Variants in ZFHX3 observed in about 807,000 individuals in gnomAD.
ZFHX3 encodes the protein zinc finger homeobox protein 3.
A neutral mutation model predicts 279.1 loss-of-function variants in ZFHX3; 42 were observed. The ratio of observed to expected loss-of-function variants is 0.15; its 90% CI spans 0.12 to 0.19. The LOEUF (loss-of-function observed/expected upper bound fraction) is 0.19. Among genes scored for constraint, ZFHX3 ranks in the 10% least tolerant of loss-of-function variants. The pLI is 1.00. For synonymous variants in ZFHX3, 2,293 were observed against 1,957.8 expected (o/e 1.17, Z -4.52); for missense variants, 4,981 against 4,754.0 (o/e 1.05, Z -1.40).
At chr16:72,928,062 C>T (rs995513615) in intron 3 of ZFHX3, among the ~76,000 whole-genome samples, 3 of 136,810 alleles carry the variant, frequency 2.2e-5, no homozygotes, top group African/African-American at 5.5e-5. Flanking sequence ...GGCCAGGCAA[C>T]GGGTTTAACC....
At chr16:73,056,353 CTA>C (rs1965555913) in intron 1 of ZFHX3, among the ~76,000 whole-genome samples, 1 of 152,002 alleles carries the variant, frequency 6.6e-6, no homozygotes, top group South Asian at 2.1e-4. Flanking sequence ...TTTTATTTTC[CTA>C]TCTCTAATAT....
At chr16:73,363,803 C>T (rs1200920074) in intron 3 of ZFHX3, among the ~76,000 whole-genome samples, 8 of 152,070 alleles carry the variant, frequency 5.3e-5, no homozygotes, top group African/African-American at 1.9e-4. Flanking sequence ...CGGATAGCAT[C>T]CCTGGCCTCA....
intron 1 of ZFHX3, among the ~76,000 whole-genome samples, chr16:73,022,302 TGGGAGAAGCCCGTCTCCCTGAGTCAG>T (rs541791517): frequency 6.6e-6 from 1 of 152,228 alleles, no homozygotes; most frequent in South Asian, 2.1e-4. Context: ...AAAGCCAGGC[TGGGAGAAGCCCGTCTCCCTGAGTCAG>T]GCCTGCAAGC....
intron 5 of ZFHX3, among the ~76,000 whole-genome samples, chr16:73,253,891 G>A (rs1393585901): frequency 6.6e-6 from 1 of 152,148 alleles, no homozygotes; most frequent in Non-Finnish European, 1.5e-5. Flanking sequence ...TTAAAAGGCA[G>A]GTTAGAAATG....
chr16:73,820,061 T>C (rs1960688847), intron 1 of ZFHX3, among the ~76,000 whole-genome samples: 2 of 152,132 alleles, frequency 1.3e-5, no homozygotes, highest in African/African-American at 2.4e-5. Flanking sequence ...AAATGCAACA[T>C]GGCAGAAGTG....
chr16:73,559,259 G>A (rs977565450), intron 2 of ZFHX3, among the ~76,000 whole-genome samples: 2 of 151,998 alleles, frequency 1.3e-5, no homozygotes, highest in Non-Finnish European at 1.5e-5. Context: ...TGTTTCCCAG[G>A]CTGGTCTCAA....
In ZFHX3 at chr16:72,787,470, G is replaced by GGCC; in HGVS notation, c.10803_10805dup (p.Ala3604dup). ...GGGGGGAAGCGGAGGAGGGGGCGGC[G>GGCC]GCCGACGGGGGAGGGGGGCTGTCGT... On this transcript the variant is annotated inframe_insertion, in exon 10 of 10. Transcript: ENST00000268489. 2 of 1,601,030 alleles carry GGCC rather than the reference G, an allele frequency of 1.2e-6. No homozygotes were observed. Among genetic ancestry groups the GGCC allele is most frequent in the Non-Finnish European group, 1.7e-6 (2 of 1,172,144 alleles).
chr16:73,290,711 T>G (rs1425535738), intron 4 of ZFHX3, among the ~76,000 whole-genome samples: 6 of 152,184 alleles, frequency 3.9e-5, no homozygotes, highest in African/African-American at 1.4e-4. Context: ...TCCCTGGTGC[T>G]TTTTGGGTTT....
chr16:73,562,405 C>T (rs1448011698), intron 2 of ZFHX3, among the ~76,000 whole-genome samples: 1 of 152,010 alleles, frequency 6.6e-6, no homozygotes, highest in Non-Finnish European at 1.5e-5. Context: ...ACCATCCTGG[C>T]TAACACGGTG....
chr16:73,455,023 G>A (rs2018348461), intron 3 of ZFHX3, among the ~76,000 whole-genome samples: 1 of 151,968 alleles, frequency 6.6e-6, no homozygotes. Context: ...TTTTTCACAC[G>A]ATTTACAAAT....
chr16:73,692,689 G>C (rs1201000135), intron 1 of ZFHX3, among the ~76,000 whole-genome samples: 1 of 152,288 alleles, frequency 6.6e-6, no homozygotes, highest in East Asian at 1.9e-4. Context: ...GTTCACGATG[G>C]AACAATTTAC....
At chr16:73,670,132 A>G (rs894435322) in intron 2 of ZFHX3, among the ~76,000 whole-genome samples, 8 of 152,226 alleles carry the variant, frequency 5.3e-5, no homozygotes, top group African/African-American at 1.7e-4. Context: ...GCAGACCAAC[A>G]CTGCACTGCT....
chr16:73,739,387 G>A (rs2053634573), intron 1 of ZFHX3, among the ~76,000 whole-genome samples: 2 of 152,130 alleles, frequency 1.3e-5, no homozygotes, highest in Admixed American at 6.6e-5. Flanking sequence ...TGTGCATTAC[G>A]AGTTATTTAG....
chr16:72,980,530 G>A (rs566686290), intron 1 of ZFHX3, among the ~76,000 whole-genome samples: 6 of 151,914 alleles, frequency 3.9e-5, no homozygotes, highest in African/African-American at 9.7e-5. Flanking sequence ...AGGCTGAGAC[G>A]GGCAGATTGC....
At chr16:73,629,060 G>A (rs946206247) in intron 2 of ZFHX3, among the ~76,000 whole-genome samples, 1 of 152,200 alleles carries the variant, frequency 6.6e-6, no homozygotes, top group Non-Finnish European at 1.5e-5. Context: ...CCGCCGGTGT[G>A]CCCGTGACAA....
chr16:73,688,593 C>T (rs1436482124), intron 1 of ZFHX3, among the ~76,000 whole-genome samples: 1 of 152,130 alleles, frequency 6.6e-6, no homozygotes, highest in African/African-American at 2.4e-5. Flanking sequence ...CTGCTGGTGC[C>T]TGGATCTTGG....
At chr16:72,879,376 G>A (rs954509917) in intron 4 of ZFHX3, among the ~76,000 whole-genome samples, 1 of 152,138 alleles carries the variant, frequency 6.6e-6, no homozygotes, top group Non-Finnish European at 1.5e-5. Context: ...CAAGCCCAGG[G>A]AGATCTGCTT....
Position 72,787,473 on chromosome 16 carries a change from C to CG in ZFHX3, c.10802dup (p.Ala3602GlyfsTer64). 2.8e-6 allele frequency: 4 copies of CG among 1,408,152 alleles called. No individual in the cohort carries two copies. The highest frequency in any genetic ancestry group is 3.3e-5 in the South Asian group (2 of 61,232). The allele number at this position is 1,408,152 out of a possible 1,614,324, so 87.2% of individuals were successfully genotyped here. The stretch of plus-strand genomic sequence containing the variant: ...GGGAAGCGGAGGAGGGGGCGGCGGC[C>CG]GACGGGGGAGGGGGGCTGTCGTTTG... On this transcript the variant is annotated frameshift_variant, in exon 10 of 10. Coordinates refer to ENST00000268489, the MANE Select transcript of ZFHX3 (RefSeq NM_006885.4). LOFTEE classifies it high-confidence loss of function.
At chr16:73,358,699 G>A (rs1463485803) in intron 3 of ZFHX3, among the ~76,000 whole-genome samples, 2 of 152,176 alleles carry the variant, frequency 1.3e-5, no homozygotes, top group Non-Finnish European at 2.9e-5. Context: ...CGCTTTAGGG[G>A]ACAATTTTGC....
Sources: gnomAD v4.1 joint callset for allele counts (sites outside exome capture counted in the v4.1 genomes callset) on GRCh38, gnomAD v4.1.1 for gene constraint, MANE v1.5 for transcripts, NCBI Gene and HGNC (gene_info 2026-07-23, HGNC 2026-07-21) for gene names.